RPP40: variants seen among roughly 807,000 people sequenced by gnomAD.
The protein encoded by RPP40 is ribonuclease P protein subunit p40.
A neutral mutation model predicts 42.5 loss-of-function variants in RPP40; 30 were observed. The observed-to-expected ratio is 0.71, with a 90% CI of 0.53 to 0.96. The LOEUF (loss-of-function observed/expected upper bound fraction) is 0.96. RPP40 is among the 40% of genes least tolerant of loss of function. The pLI is 0.00. For synonymous variants in RPP40, 173 were observed against 164.0 expected (o/e 1.05, Z -0.42); for missense variants, 426 against 433.5 (o/e 0.98, Z 0.15).
downstream of RPP40, among the ~76,000 whole-genome samples, chr6:4,992,122 G>A (rs1759268977): frequency 6.6e-6 from 1 of 151,992 alleles, no homozygotes; most frequent in African/African-American, 2.4e-5. Context: ...GAGATCACGA[G>A]GTCAGGAGTT....
In RPP40 at chr6:4,996,182, G is replaced by A. The variant is rs1759373221; in HGVS notation, c.758+40C>T. ...AAACTCCTATTAAAAACAAGCAGCAGGCCAGAGCCCTGGAAGACACAGGGA... is the reference window on the plus strand; with the variant it reads ...AAACTCCTATTAAAAACAAGCAGCAAGCCAGAGCCCTGGAAGACACAGGGA... On this transcript the variant is annotated intron_variant, in intron 6 of 7. Transcript: ENST00000380051. 5.6e-6 allele frequency: 9 copies of A among 1,608,560 alleles called. 1 individual carries two copies. The highest frequency in any genetic ancestry group is 3.3e-5 in the Admixed American group (2 of 59,806).
intron 1 of RPP40, 140 bp from the exon 2 acceptor site, chr6:5,002,385 T>G: frequency 1.5e-6 from 1 of 648,166 alleles, no homozygotes. Flanking sequence ...AACAAAACTC[T>G]TATGTTAACT....
intron 1 of RPP40, among the ~76,000 whole-genome samples, chr6:5,003,003 G>A (rs1407032942): frequency 6.6e-6 from 1 of 152,190 alleles, no homozygotes. Flanking sequence ...GATAAGGTTA[G>A]TTTCTTGAAG....
downstream of RPP40, among the ~76,000 whole-genome samples, chr6:4,990,731 T>C (rs1225767077): frequency 6.7e-6 from 1 of 149,848 alleles, no homozygotes; most frequent in Non-Finnish European, 1.5e-5. Context: ...TCCTCCCACC[T>C]CAACTTCCCA....
intron 1 of RPP40, among the ~76,000 whole-genome samples, chr6:5,003,171 A>C (rs1759619478): frequency 6.6e-6 from 1 of 151,688 alleles, no homozygotes; most frequent in South Asian, 2.1e-4. Flanking sequence ...ACACGGTGAA[A>C]CCTCGTCTCT....
chr6:4,997,380 G>A (rs1759415762), intron 5 of RPP40, among the ~76,000 whole-genome samples: 1 of 152,122 alleles, frequency 6.6e-6, no homozygotes, highest in African/African-American at 2.4e-5. Context: ...CTTGGAGCTG[G>A]GACTCCCTTC....
intron 5 of RPP40, among the ~76,000 whole-genome samples, chr6:4,998,439 A>G (rs1315747546): frequency 1.3e-5 from 2 of 152,312 alleles, no homozygotes; most frequent in East Asian, 3.9e-4. Context: ...AAGGGGAGAA[A>G]TAGATAAAAT....
the RPP40 span, among the ~76,000 whole-genome samples, chr6:4,988,458 T>C: frequency 1.3e-5 from 2 of 152,190 alleles, no homozygotes; most frequent in Non-Finnish European, 2.9e-5. Context: ...TTTATTGCCC[T>C]GTTACAGCCA....
chr6:5,003,568 A>C, intron 1 of RPP40: 1 of 241,704 alleles, frequency 4.1e-6, no homozygotes, highest in East Asian at 8.5e-5. Flanking sequence ...TGAACCTCGA[A>C]TCCCTCCCTG....
At position 4,994,912 on chromosome 6, in the gene RPP40, T is replaced by TC; in HGVS notation, c.*165_*166insG. On this transcript the variant is annotated 3_prime_UTR_variant, in exon 8 of 8. Transcript: ENST00000380051. The stretch of plus-strand genomic sequence containing the variant: ...GAGCTATTCACTGGACAGCAGGCCT[T>TC]GCTGCCATCACAGATGGGTCTCAGG... The TC allele has an allele frequency of 1.6e-6, 1 of 623,360 alleles. No individual in the cohort carries two copies. The highest frequency in any genetic ancestry group is 2.0e-5 in the South Asian group (1 of 49,380). 38.6% of individuals were successfully genotyped at this position (623,360 alleles called of 1,614,324 possible).
chr6:4,996,060 A>G lies in RPP40; in HGVS notation c.784T>C (p.Ser262Pro). 1 of 1,614,092 alleles carries G rather than the reference A, an allele frequency of 6.2e-7. No homozygotes were observed. ...DLNNEPNNFI[S>P]TYCCPEPSTV... Reference sequence around the variant, plus strand: ...CTTGGCTCAGGACAGCAATAGGTTGATATGAAATTATTAGGCTCATTATTT... The same window carrying G: ...CTTGGCTCAGGACAGCAATAGGTTGGTATGAAATTATTAGGCTCATTATTT... Residue 262 changes from serine to proline, a missense_variant, in exon 7 of 8, where the codon TCA becomes CCA. Physicochemically the swap from Ser to Pro is moderately conservative, Grantham distance 74 (BLOSUM62 -1). Coordinates refer to ENST00000380051, the MANE Select transcript of RPP40 (RefSeq NM_006638.4).
At chr6:4,989,884 A>G (rs944679025), downstream of RPP40, among the ~76,000 whole-genome samples, 3 of 152,044 alleles carry the variant, frequency 2.0e-5, no homozygotes, top group Admixed American at 6.6e-5. Context: ...CTGTGAATAC[A>G]TTTTTCTTTC....
In RPP40 at chr6:4,995,221, A is replaced by G; in HGVS notation, c.949T>C (p.Phe317Leu). 1 of 1,614,188 alleles carries G rather than the reference A, an allele frequency of 6.2e-7. No homozygotes were observed. The highest frequency in any genetic ancestry group is 8.5e-7 in the Non-Finnish European group (1 of 1,180,016). ...TCCCAAGAAACAGGGCTGTCTGCAA[A>G]GCCTTGAACGGACAGTGTAACCCAT... ...APWVTLSVQG[F>L]ADSPVSWEKN... The change falls in exon 8 of 8, where the codon TTT (phenylalanine) becomes CTT (leucine). Residue 317 changes from phenylalanine (F) to leucine (L), a missense_variant. Transcript: ENST00000380051.
At chr6:4,992,215 A>C (rs188641433), downstream of RPP40, among the ~76,000 whole-genome samples, 466 of 152,130 alleles carry the variant, frequency 3.1e-3, 6 homozygotes, top group African/African-American at 0.011. Flanking sequence ...CGAAACAAAA[A>C]AAAACTAGCC....
chr6:4,998,791 A>T lies in RPP40; in HGVS notation c.484T>A (p.Tyr162Asn), dbSNP rs999714067. 2 of 1,511,814 alleles carry T rather than the reference A, an allele frequency of 1.3e-6. No individual in the cohort carries two copies. The highest frequency in any genetic ancestry group is 2.8e-5 in the African/African-American group (2 of 71,086). The allele number at this position is 1,511,814 out of a possible 1,614,324, so 93.6% of individuals were successfully genotyped here. The change falls in exon 5 of 8, where the codon TAT becomes AAT. Residue 162 changes from tyrosine (Y) to asparagine (N), a missense_variant. By Grantham distance (143) the Tyr-to-Asn change is moderately radical. Coordinates refer to ENST00000380051, the MANE Select transcript of RPP40 (RefSeq NM_006638.4). The part of the protein sequence containing the change: ...ELSLNLDSKK[Y>N]ERISWSFKEK... Reference sequence around the variant, plus strand: ...TTGAAAGACCAAGATATTCTTTCATACTTCTTAGAATCCAAGTTTAAGGAT... The same window carrying T: ...TTGAAAGACCAAGATATTCTTTCATTCTTCTTAGAATCCAAGTTTAAGGAT...
At chr6:4,991,965 C>T (rs1235283573), downstream of RPP40, among the ~76,000 whole-genome samples, 5 of 152,104 alleles carry the variant, frequency 3.3e-5, no homozygotes, top group South Asian at 4.2e-4. Context: ...TTTCACCTTC[C>T]GCCATGATTG....
chr6:5,003,710 C>A, intron 1 of RPP40, 170 bp downstream of exon 1: 1 of 794,092 alleles, frequency 1.3e-6, no homozygotes. Flanking sequence ...CCCTGCAAGC[C>A]ACTGGCTTAG....
downstream of RPP40, among the ~76,000 whole-genome samples, chr6:4,994,395 AT>A (rs1275316215): frequency 9.4e-6 from 1 of 106,310 alleles, no homozygotes; most frequent in African/African-American, 2.8e-5. Flanking sequence ...TTAAAGTATA[AT>A]AAAAAAAAAA....
At chr6:4,996,788 T>C (rs1264629745) in intron 5 of RPP40, among the ~76,000 whole-genome samples, 2 of 152,156 alleles carry the variant, frequency 1.3e-5, no homozygotes, top group African/African-American at 4.8e-5. Flanking sequence ...ACAACCTCTA[T>C]TAAAGAAAAA....
Sources: allele counts gnomAD v4.1 joint callset (sites outside exome capture counted in the v4.1 genomes callset), GRCh38; gene constraint gnomAD v4.1.1; transcripts MANE v1.5; gene names NCBI Gene and HGNC (gene_info 2026-07-23, HGNC 2026-07-21).